The following INO80 variants were observed in gnomAD, a reference collection of about 807,000 sequenced individuals.
INO80 encodes the protein chromatin-remodeling ATPase INO80.
In INO80, 20 loss-of-function variants were observed where a neutral mutation model predicts 203.4. The ratio of observed to expected loss-of-function variants is 0.10; its 90% CI spans 0.07 to 0.14. INO80 has a LOEUF of 0.14. Among genes scored for constraint, INO80 ranks in the 10% least tolerant of loss-of-function variants. The pLI, the probability that INO80 is intolerant of heterozygous loss-of-function variation, is 1.00. For synonymous variants in INO80, 726 were observed against 685.2 expected (o/e 1.06, Z -0.93); for missense variants, 1,419 against 1,914.4 (o/e 0.74, Z 4.83).
intron 24 of INO80, among the ~76,000 whole-genome samples, chr15:41,028,613 G>A (rs1307555343): frequency 6.6e-6 from 1 of 152,098 alleles, no homozygotes; most frequent in Non-Finnish European, 1.5e-5. Context: ...ATGTATTTTA[G>A]GCCGGGATCA....
At chr15:41,005,571 T>C in intron 28 of INO80, 22 bp downstream of exon 28, 2 of 1,354,998 alleles carry the variant, frequency 1.5e-6, no homozygotes, top group Non-Finnish European at 2.1e-6. Flanking sequence ...AAGATAATTT[T>C]TGTAATTCCC....
At chr15:40,981,552 A>G (rs112968109) in intron 35 of INO80, among the ~76,000 whole-genome samples, 2,298 of 152,342 alleles carry the variant, frequency 0.015, 34 homozygotes, top group Non-Finnish European at 0.022. Context: ...AAAGGCAAGT[A>G]AACTAACAAT....
At chr15:41,031,204 A>T (rs1236980389) in intron 24 of INO80, among the ~76,000 whole-genome samples, 4 of 152,100 alleles carry the variant, frequency 2.6e-5, no homozygotes, top group African/African-American at 9.7e-5. Flanking sequence ...CTGGTTTAGT[A>T]TATGTGAACC....
At chr15:41,099,231 C>T (rs1329299951) in intron 1 of INO80, among the ~76,000 whole-genome samples, 1 of 101,110 alleles carries the variant, frequency 9.9e-6, no homozygotes, top group Admixed American at 1.2e-4. Flanking sequence ...GAGTAAGACC[C>T]TGTCTCAAAA....
intron 7 of INO80, among the ~76,000 whole-genome samples, chr15:41,083,216 C>T (rs570225145): frequency 2.6e-3 from 370 of 142,714 alleles, no homozygotes; most frequent in African/African-American, 9.0e-3. Context: ...ACCCGGGAGG[C>T]GGAGCTTGCA....
At chr15:41,108,117 T>C (rs573308904) in intron 1 of INO80, among the ~76,000 whole-genome samples, 200 of 152,214 alleles carry the variant, frequency 1.3e-3, no homozygotes, top group Non-Finnish European at 2.3e-3. Context: ...AAACAAACTT[T>C]ACTCTTCGTG....
rs977206201 is a variant in INO80, at chr15:41,114,825, T to C, written c.-44+1148A>G. Among the ~76,000 whole-genome samples, 5 of 152,328 alleles carry C rather than the reference T, an allele frequency of 3.3e-5. 1 individual carries two copies. The Middle Eastern group carries it at 0.014, about 414-fold the overall frequency. On this transcript the variant is annotated intron_variant, in intron 1 of 35. Coordinates refer to ENST00000648947, the MANE Select transcript of INO80 (RefSeq NM_017553.3). ...AAGAAAGATACATATGTTTCTTTTT[T>C]AGGTAAATTTAGGCAAAAAATATAT... is the stretch of plus-strand genomic sequence containing the variant.
At chr15:41,075,043 A>G (rs1246893314) in intron 9 of INO80, among the ~76,000 whole-genome samples, 1 of 152,124 alleles carries the variant, frequency 6.6e-6, no homozygotes, top group East Asian at 1.9e-4. Context: ...GGCACAATGA[A>G]TAACTTTCAT....
At chr15:41,011,599 G>A (rs1472570498) in intron 27 of INO80, 1 of 150,442 alleles carries the variant, frequency 6.6e-6, no homozygotes. Context: ...TTTTTTGAAA[G>A]GAAGTAAAGT....
At chr15:41,014,549 A>T (rs1288129049) in intron 27 of INO80, among the ~76,000 whole-genome samples, 1 of 152,150 alleles carries the variant, frequency 6.6e-6, no homozygotes, top group Non-Finnish European at 1.5e-5. Flanking sequence ...CAGCTTAATC[A>T]CCTCTCTTAT....
At position 41,116,048 on chromosome 15, in the gene INO80, T is replaced by C. The variant is rs1439963303; in HGVS notation, c.-119A>G. ...TGCGGGCGGGGTCCGGAGGGGGGGG[T>C]CGCCCCGCCGACGGTGGAGCCGCGG... On this transcript the variant is annotated 5_prime_UTR_variant, in exon 1 of 36. Coordinates refer to ENST00000648947, the MANE Select transcript of INO80 (RefSeq NM_017553.3). 2 of 388,336 alleles carry C rather than the reference T, an allele frequency of 5.2e-6. No homozygotes were observed. Among genetic ancestry groups the C allele is most frequent in the Admixed American group, 9.1e-5 (2 of 21,924 alleles). The allele number at this position is 388,336 out of a possible 1,614,324, so 24.1% of individuals were successfully genotyped here.
chr15:41,045,762 G>A (rs1351370032), intron 23 of INO80, among the ~76,000 whole-genome samples: 6 of 151,486 alleles, frequency 4.0e-5, no homozygotes, highest in Admixed American at 1.3e-4. Flanking sequence ...TTAGCCAGGC[G>A]TGGTTGTGCA....
intron 26 of INO80, 69 bp from the exon 27 acceptor site, chr15:41,016,284 G>A (rs1394266370): frequency 6.8e-7 from 1 of 1,468,706 alleles, no homozygotes; most frequent in Non-Finnish European, 9.3e-7. Flanking sequence ...TCAATGCAAA[G>A]CTGTATGCAA....
intron 20 of INO80, 97 bp from the exon 21 acceptor site, chr15:41,049,517 G>A (rs1239297401): frequency 4.5e-6 from 5 of 1,121,242 alleles, no homozygotes; most frequent in East Asian, 4.7e-5. Context: ...CTTTGGGAAT[G>A]GATACTTTCC....
intron 14 of INO80, among the ~76,000 whole-genome samples, chr15:41,067,509 G>A (rs1276782933): frequency 6.6e-6 from 1 of 152,068 alleles, no homozygotes; most frequent in African/African-American, 2.4e-5. Context: ...AACTGCATTA[G>A]AATGATCTCA....
At chr15:40,981,556 T>TAACA (rs543406215) in intron 35 of INO80, among the ~76,000 whole-genome samples, 85 of 152,312 alleles carry the variant, frequency 5.6e-4, no homozygotes, top group African/African-American at 2.0e-3. Context: ...GCAAGTAAAC[T>TAACA]AACAATTACT....
chr15:41,088,081 G>GCTTTT, intron 5 of INO80, among the ~76,000 whole-genome samples: 1 of 140,236 alleles, frequency 7.1e-6, no homozygotes, highest in Non-Finnish European at 1.5e-5. Context: ...CCTCATGCTT[G>GCTTTT]CTTTTCTTTT....
intron 1 of INO80, among the ~76,000 whole-genome samples, chr15:41,103,517 G>A (rs535771596): frequency 5.3e-4 from 81 of 152,266 alleles, no homozygotes; most frequent in South Asian, 2.5e-3. Context: ...AGCCTCCCAG[G>A]TAGCTGGGAT....
At chr15:41,072,095 A>G in intron 11 of INO80, 37 bp from the exon 12 acceptor site, 2 of 1,367,128 alleles carry the variant, frequency 1.5e-6, no homozygotes, top group Non-Finnish European at 2.0e-6. Context: ...GAAAAAAAAA[A>G]AAGAGGAAAA....
Sources: gnomAD v4.1 joint callset for allele counts (sites outside exome capture counted in the v4.1 genomes callset) on GRCh38, gnomAD v4.1.1 for gene constraint, MANE v1.5 for transcripts, NCBI Gene and HGNC (gene_info 2026-07-23, HGNC 2026-07-21) for gene names.